The following RFTN1 variants were observed in gnomAD, a reference collection of about 807,000 sequenced individuals.
RFTN1 encodes raftlin, lipid raft linker 1.
Under a neutral mutation model 46.5 loss-of-function variants are expected in RFTN1, and 26 were observed. That is an observed-to-expected ratio of 0.56 (90% CI 0.41 to 0.78). The LOEUF (loss-of-function observed/expected upper bound fraction) is 0.78. Among genes scored for constraint, RFTN1 ranks in the 30% least tolerant of loss-of-function variants. The probability of loss-of-function intolerance (pLI) is 0.00; values close to 1 mark genes in which losing one functional copy is unlikely to be tolerated. For missense variants in RFTN1, 693 were observed against 718.7 expected, an observed-to-expected ratio of 0.96 and a Z score of 0.41; for synonymous variants, 261 against 284.2, an observed-to-expected ratio of 0.92 and a Z score of 0.82.
At position 16,407,766 on chromosome 3, in the gene RFTN1, C is replaced by T. The variant is rs527471263; in HGVS notation, c.441+1609G>A. On this transcript the variant is annotated intron_variant, in intron 4 of 9. Transcript: ENST00000334133. The surrounding 1 kb of genome is among the most constrained non-coding windows in gnomAD (Gnocchi z 4.0). ...AAACACTTGTGTTCTCAGGCTTATGCGTATGTGAACAAAAGCTACTTCCCC... is the reference window on the plus strand; with the variant it reads ...AAACACTTGTGTTCTCAGGCTTATGTGTATGTGAACAAAAGCTACTTCCCC... Among the ~76,000 whole-genome samples, 9 of 152,176 alleles carry T rather than the reference C, an allele frequency of 5.9e-5. No individual in the cohort carries two copies. Among genetic ancestry groups the T allele is most frequent in the African/African-American group, 1.7e-4 (7 of 41,514 alleles).
At position 16,400,197 on chromosome 3, in the gene RFTN1, C is replaced by T. The variant is rs950206559; in HGVS notation, c.441+9178G>A. ...CACTCTCCAGCCTCACTCCACCTCA[C>T]TCACCCCTCTGTCATTTGCAGGCAA... On this transcript the variant is annotated intron_variant, in intron 4 of 9. Coordinates refer to ENST00000334133, the MANE Select transcript of RFTN1 (RefSeq NM_015150.2). This position sits in a 1 kb window ranked among gnomAD's most constrained non-coding sequence, Gnocchi z 4.5. Among the ~76,000 whole-genome samples, 19 of 152,212 alleles carry T rather than the reference C, an allele frequency of 1.2e-4. No individual in the cohort carries two copies. Among genetic ancestry groups the T allele is most frequent in the African/African-American group, 4.6e-4 (19 of 41,444 alleles).
rs1389621067 is a variant in RFTN1, at chr3:16,376,522, C to T, written c.826+1196G>A. 6.6e-6 allele frequency among the ~76,000 whole-genome samples: 1 copy of T among 152,200 alleles called. No individual in the cohort carries two copies. Among genetic ancestry groups the T allele is most frequent in the Non-Finnish European group, 1.5e-5 (1 of 68,034 alleles). ...AGCCTCCATGAGAAGATGGAGGTTT[C>T]TGGACTAAGACCTGGGCGTTCATGA... On this transcript the variant is annotated intron_variant, in intron 5 of 9. Coordinates refer to ENST00000334133, the MANE Select transcript of RFTN1 (RefSeq NM_015150.2). This position sits in a 1 kb window ranked among gnomAD's most constrained non-coding sequence, Gnocchi z 4.7.
At chr3:16,388,474 A>T (rs1348199762) in intron 4 of RFTN1, among the ~76,000 whole-genome samples, 7 of 152,238 alleles carry the variant, frequency 4.6e-5, no homozygotes, top group Admixed American at 4.6e-4. Context: ...ATAATGTTTT[A>T]AAAATATATT....
At position 16,433,938 on chromosome 3, in the gene RFTN1, A is replaced by AG; in HGVS notation, c.244dup (p.Leu82ProfsTer10). The AG allele has an allele frequency of 6.2e-7, 1 of 1,614,110 alleles. No individual in the cohort carries two copies. Among genetic ancestry groups the AG allele is most frequent in the Non-Finnish European group, 8.5e-7 (1 of 1,179,992 alleles). On this transcript the variant is annotated frameshift_variant, in exon 3 of 10. Coordinates refer to ENST00000334133, the MANE Select transcript of RFTN1 (RefSeq NM_015150.2). LOFTEE classifies it high-confidence loss of function. The surrounding 1 kb of genome is among the most constrained non-coding windows in gnomAD (Gnocchi z 4.4). ...ATGGGTGGGCTGCACGAAGGGGTGC[A>AG]GGGCCGCCAGCGAGAAGCCCTGCTG...
rs546967558 is a variant in RFTN1 at position 16,513,578 on chromosome 3, G to T, written c.-145C>A. On this transcript the variant is annotated 5_prime_UTR_variant, in exon 1 of 10. Coordinates refer to ENST00000334133, the MANE Select transcript of RFTN1 (RefSeq NM_015150.2). The surrounding 1 kb of genome is among the most constrained non-coding windows in gnomAD (Gnocchi z 5.4). Reference sequence around the variant, plus strand: ...GGCGCCGGTGGGTGGAGGCGTGGGCGGTGGCGCCGCGTGGTCGTGTGTCTG... The same window carrying T: ...GGCGCCGGTGGGTGGAGGCGTGGGCTGTGGCGCCGCGTGGTCGTGTGTCTG... The T allele has an allele frequency of 1.3e-5, 2 of 152,354 alleles. No homozygotes were observed. The highest frequency in any genetic ancestry group is 2.9e-5 in the Non-Finnish European group (2 of 68,180). The allele number at this position is 152,354 out of a possible 1,614,324, so 9.4% of individuals were successfully genotyped here. A position where few individuals can be genotyped will look rare whatever the true frequency, so the allele number is the denominator to read the frequency against.
At chr3:16,464,760 T>C (rs1292517919) in intron 2 of RFTN1, among the ~76,000 whole-genome samples, 1 of 152,246 alleles carries the variant, frequency 6.6e-6, no homozygotes, top group Non-Finnish European at 1.5e-5. Context: ...GCTTTGGCAC[T>C]ACAAAAGCTG....
chr3:16,482,427 C>A (rs1377993829), intron 2 of RFTN1, among the ~76,000 whole-genome samples: 3 of 152,160 alleles, frequency 2.0e-5, no homozygotes, highest in Admixed American at 2.0e-4. Flanking sequence ...GAGTAGGGCT[C>A]AATCAAAAAG....
chr3:16,478,598 G>C (rs1255380531), intron 2 of RFTN1, among the ~76,000 whole-genome samples: 2 of 152,224 alleles, frequency 1.3e-5, no homozygotes, highest in African/African-American at 4.8e-5. Flanking sequence ...CAGGAATCCA[G>C]GTGCAGCTTA....
At chr3:16,408,053 C>T (rs1482857451) in intron 4 of RFTN1, among the ~76,000 whole-genome samples, 1 of 152,166 alleles carries the variant, frequency 6.6e-6, no homozygotes, top group African/African-American at 2.4e-5. Flanking sequence ...AAATTCCTCT[C>T]AACGGCTTCC....
rs2076088974 is a variant in RFTN1 at position 16,466,229 on chromosome 3, G to T, written c.145+27496C>A. 6.6e-6 allele frequency among the ~76,000 whole-genome samples: 1 copy of T among 152,144 alleles called. No individual in the cohort carries two copies. The highest frequency in any genetic ancestry group is 6.5e-5 in the Admixed American group (1 of 15,284). On this transcript the variant is annotated intron_variant, in intron 2 of 9. Coordinates refer to ENST00000334133, the MANE Select transcript of RFTN1 (RefSeq NM_015150.2). The surrounding 1 kb of genome is among the most constrained non-coding windows in gnomAD (Gnocchi z 5.6). ...TTGCAACAAAGAACACTTTTAACTT[G>T]CATCGTCCTCTCATCCCAGCTTGCA...
In RFTN1 at chr3:16,462,933, G is replaced by A. The variant is rs555038137; in HGVS notation, c.146-28896C>T. ...ATGAATTGAGCTTAACAAAAGTAAA[G>A]AAGCGGAAGAATGCAAGAGACAATG... is the stretch of plus-strand genomic sequence containing the variant. On this transcript the variant is annotated intron_variant, in intron 2 of 9. Transcript: ENST00000334133. 7.9e-4 allele frequency among the ~76,000 whole-genome samples: 121 copies of A among 152,332 alleles called. 4 individuals carry two copies. The South Asian group carries it at 0.021, about 26-fold the overall frequency.
At chr3:16,391,882 G>GTTTTTTTTTTTTT (rs1295347779) in intron 4 of RFTN1, among the ~76,000 whole-genome samples, 3 of 23,436 alleles carry the variant, frequency 1.3e-4, no homozygotes, top group South Asian at 9.8e-4. Flanking sequence ...TTTTTTTTTT[G>GTTTTTTTTTTTTT]TTTTTTTTTT....
intron 8 of RFTN1, 120 bp downstream of exon 8, chr3:16,326,653 C>T (rs1210404957): frequency 2.7e-6 from 2 of 731,728 alleles, no homozygotes; most frequent in African/African-American, 1.8e-5. Flanking sequence ...GGAGAGTTTA[C>T]ATAACTACCA....
intron 3 of RFTN1, among the ~76,000 whole-genome samples, chr3:16,420,593 A>G (rs2125467388): frequency 6.6e-6 from 1 of 152,220 alleles, no homozygotes; most frequent in African/African-American, 2.4e-5. Context: ...AAATCATCCC[A>G]CCTATACCCA....
At position 16,400,559 on chromosome 3, in the gene RFTN1, G is replaced by A. The variant is rs944427025; in HGVS notation, c.441+8816C>T. 6.6e-6 allele frequency among the ~76,000 whole-genome samples: 1 copy of A among 152,330 alleles called. No homozygotes were observed. Among genetic ancestry groups the A allele is most frequent in the East Asian group, 1.9e-4 (1 of 5,190 alleles). On this transcript the variant is annotated intron_variant, in intron 4 of 9. Coordinates refer to ENST00000334133, the MANE Select transcript of RFTN1 (RefSeq NM_015150.2). This position sits in a 1 kb window ranked among gnomAD's most constrained non-coding sequence, Gnocchi z 4.5. Reference sequence around the variant, plus strand: ...AGTATTCCCAAACACTACCAGCAAAGATCTGTTCAAAGAAATGTGAACGAA... The same window carrying A: ...AGTATTCCCAAACACTACCAGCAAAAATCTGTTCAAAGAAATGTGAACGAA...
chr3:16,483,356 C>T lies in RFTN1; in HGVS notation c.145+10369G>A, dbSNP rs538365045. ...TTGGGCTCCCCTGTAAAGCACCCCCCTCCCTCCCAGAACCTGCAGGCACCA... is the reference window on the plus strand; with the variant it reads ...TTGGGCTCCCCTGTAAAGCACCCCCTTCCCTCCCAGAACCTGCAGGCACCA... On this transcript the variant is annotated intron_variant, in intron 2 of 9. Coordinates refer to ENST00000334133, the MANE Select transcript of RFTN1 (RefSeq NM_015150.2). This position sits in a 1 kb window ranked among gnomAD's most constrained non-coding sequence, Gnocchi z 4.8. Among the ~76,000 whole-genome samples the T allele has an allele frequency of 6.6e-6, 1 of 152,266 alleles. No homozygotes were observed. The highest frequency in any genetic ancestry group is 1.9e-4 in the East Asian group (1 of 5,186).
At chr3:16,488,550 C>T (rs899412544) in intron 2 of RFTN1, among the ~76,000 whole-genome samples, 5 of 152,196 alleles carry the variant, frequency 3.3e-5, no homozygotes, top group African/African-American at 1.2e-4. Flanking sequence ...ATTTAAAAAT[C>T]TGCTATGGTT....
chr3:16,431,045 A>G (rs1206288171), intron 3 of RFTN1, among the ~76,000 whole-genome samples: 4 of 152,202 alleles, frequency 2.6e-5, no homozygotes, highest in Admixed American at 2.0e-4. Context: ...CAGATAACTT[A>G]GAGTTTGGTG....
At chr3:16,415,609 A>T (rs2125458424) in intron 3 of RFTN1, among the ~76,000 whole-genome samples, 1 of 151,942 alleles carries the variant, frequency 6.6e-6, no homozygotes, top group Admixed American at 6.6e-5. Context: ...TAAGAATTTA[A>T]TTTTGGGACC....
Sources: gnomAD v4.1 joint callset for allele counts (sites outside exome capture counted in the v4.1 genomes callset) on GRCh38, gnomAD v4.1.1 for gene constraint, Gnocchi (gnomAD v3.1) non-coding constraint, MANE v1.5 for transcripts, NCBI Gene and HGNC (gene_info 2026-07-23, HGNC 2026-07-21) for gene names.